Variants in FCRL2 observed in about 807,000 individuals in gnomAD.
FCRL2 encodes Fc receptor like 2.
A neutral mutation model predicts 59.8 loss-of-function variants in FCRL2; 48 were observed. The observed-to-expected ratio is 0.80, with a 90% CI of 0.64 to 1.02. FCRL2 has a LOEUF of 1.02. Ranked by LOEUF, FCRL2 falls within the 50% of genes least tolerant of loss-of-function variation. FCRL2 has a pLI of 0.00. For missense variants in FCRL2, 658 were observed against 597.3 expected (o/e 1.10, Z -1.06); for synonymous variants, 251 against 229.5 (o/e 1.09, Z -0.85).
At chr1:157,762,845 AT>A (rs1436696016) in intron 7 of FCRL2, among the ~76,000 whole-genome samples, 2 of 152,246 alleles carry the variant, frequency 1.3e-5, no homozygotes, top group Non-Finnish European at 2.9e-5. Flanking sequence ...CCAGCAAAAT[AT>A]CCTTCATAAA....
intron 7 of FCRL2, among the ~76,000 whole-genome samples, chr1:157,760,684 A>G (rs1386676996): frequency 7.3e-6 from 1 of 136,172 alleles, no homozygotes; most frequent in African/African-American, 3.0e-5. Context: ...GGAAGGAAAG[A>G]AAGAAAGAAA....
At chr1:157,753,181 CCAGT>C (rs1648328631) in intron 7 of FCRL2, among the ~76,000 whole-genome samples, 1 of 152,110 alleles carries the variant, frequency 6.6e-6, no homozygotes, top group African/African-American at 2.4e-5. Context: ...CTTCCCCATA[CCAGT>C]CAATTTTCCA....
At chr1:157,775,296 C>T (rs781570802) in intron 2 of FCRL2, among the ~76,000 whole-genome samples, 25 of 152,172 alleles carry the variant, frequency 1.6e-4, no homozygotes, top group Non-Finnish European at 2.2e-4. Context: ...TTGCCTTTTA[C>T]AGGAAAAGCT....
At chr1:157,758,134 C>T (rs947678709) in intron 7 of FCRL2, among the ~76,000 whole-genome samples, 5 of 152,130 alleles carry the variant, frequency 3.3e-5, no homozygotes, top group African/African-American at 1.2e-4. Flanking sequence ...TCATGGCGTA[C>T]ATCTGAGGTA....
chr1:157,747,446 G>A lies in FCRL2; in HGVS notation c.1460-547C>T, dbSNP rs531509804. 8.5e-5 allele frequency among the ~76,000 whole-genome samples: 13 copies of A among 152,308 alleles called. No homozygotes were observed. In the South Asian group the frequency reaches 2.7e-3, roughly 32 times the overall value. The stretch of plus-strand genomic sequence containing the variant: ...GATTTACAGCTAGAGGGCTTGGAAA[G>A]TGACTGCACTTTTTGATTCTGCTAG... On this transcript the variant is annotated intron_variant, in intron 10 of 11. Transcript: ENST00000361516.
At chr1:157,773,761 A>C (rs1180850020) in intron 2 of FCRL2, among the ~76,000 whole-genome samples, 1 of 152,178 alleles carries the variant, frequency 6.6e-6, no homozygotes, top group East Asian at 1.9e-4. Flanking sequence ...AGCAGGGTAC[A>C]AGGAGTCAGA....
chr1:157,746,843 T>C lies in FCRL2; in HGVS notation c.1488+28A>G, dbSNP rs199735915. On this transcript the variant is annotated intron_variant, in intron 11 of 11. Transcript: ENST00000361516. ...ATAAATAGGGAGAAGGAAGGAAAGA[T>C]GAAGAAATTCCAAGGTGTCTAGCTC... 4 of 1,614,050 alleles carry C rather than the reference T, an allele frequency of 2.5e-6. No homozygotes were observed. The African/African-American group carries it at 4.0e-5, about 16-fold the overall frequency.
At chr1:157,763,991 C>T (rs1649302067) in intron 7 of FCRL2, among the ~76,000 whole-genome samples, 2 of 145,560 alleles carry the variant, frequency 1.4e-5, no homozygotes, top group South Asian at 4.3e-4. Flanking sequence ...TATCGTGCCA[C>T]TGCACTCCAG....
intron 10 of FCRL2, 115 bp from the exon 11 acceptor site, chr1:157,747,014 C>T: frequency 9.0e-7 from 1 of 1,105,594 alleles, no homozygotes; most frequent in African/African-American, 1.6e-5. Context: ...ATCCCATTTT[C>T]TCCTGTTCTG....
At position 157,773,205 on chromosome 1, in the gene FCRL2, G is replaced by T. The variant is rs530973987; in HGVS notation, c.53-2539C>A. 5.2e-4 allele frequency among the ~76,000 whole-genome samples: 79 copies of T among 152,346 alleles called. 1 individual carries two copies. The highest frequency in any genetic ancestry group is 4.1e-4 in the Non-Finnish European group (28 of 68,040). On this transcript the variant is annotated intron_variant, in intron 2 of 11. Coordinates refer to ENST00000361516, the MANE Select transcript of FCRL2 (RefSeq NM_030764.4). ...TTGCAAGCAGTGAGCAGCTGGACCT[G>T]TGTTCAGTTACAGTTTCTCAACTGA...
At chr1:157,755,976 T>C (rs1648561294) in intron 7 of FCRL2, among the ~76,000 whole-genome samples, 1 of 152,224 alleles carries the variant, frequency 6.6e-6, no homozygotes, top group Admixed American at 6.5e-5. Flanking sequence ...TTACCAGATG[T>C]ATTTGTAACA....
chr1:157,756,453 T>C (rs6678269), intron 7 of FCRL2, among the ~76,000 whole-genome samples: 2,697 of 152,218 alleles, frequency 0.018, 69 homozygotes, highest in African/African-American at 0.061. Context: ...GAGGCCAAGG[T>C]AAGAAGATCG....
intron 7 of FCRL2, among the ~76,000 whole-genome samples, chr1:157,753,409 G>GCA (rs1648347626): frequency 6.6e-6 from 1 of 152,098 alleles, no homozygotes; most frequent in Non-Finnish European, 1.5e-5. Context: ...TATAGAACTC[G>GCA]AAGAAACACT....
At chr1:157,759,905 A>G (rs868555250) in intron 7 of FCRL2, among the ~76,000 whole-genome samples, 1 of 152,254 alleles carries the variant, frequency 6.6e-6, no homozygotes. Context: ...AGAACTTAAA[A>G]TAGAACTACC....
chr1:157,770,766 T>C (rs1186958678), intron 2 of FCRL2, 100 bp from the exon 3 acceptor site: 4 of 1,289,312 alleles, frequency 3.1e-6, no homozygotes, highest in Non-Finnish European at 4.3e-6. Context: ...TCTACTTCTT[T>C]AAACAAGATG....
chr1:157,767,068 A>G, intron 6 of FCRL2, 97 bp from the exon 7 acceptor site: 1 of 1,335,926 alleles, frequency 7.5e-7, no homozygotes, highest in Non-Finnish European at 1.0e-6. Flanking sequence ...TTCAAGTAAG[A>G]GATCATTGAA....
chr1:157,751,394 G>C (rs1202129486), intron 7 of FCRL2, among the ~76,000 whole-genome samples: 6 of 152,174 alleles, frequency 3.9e-5, no homozygotes, highest in Non-Finnish European at 8.8e-5. Context: ...TAAAGTAAAT[G>C]CTCTAAGAAA....
intron 3 of FCRL2, 126 bp from the exon 4 acceptor site, chr1:157,770,276 C>T (rs542151492): frequency 9.4e-5 from 136 of 1,446,776 alleles, no homozygotes; most frequent in Admixed American, 3.6e-4. Flanking sequence ...CCCATCATGG[C>T]TCCTTTGATG....
chr1:157,747,465 C>G (rs1421673950), intron 10 of FCRL2, among the ~76,000 whole-genome samples: 3 of 152,178 alleles, frequency 2.0e-5, no homozygotes, highest in Non-Finnish European at 4.4e-5. Flanking sequence ...CTTTTTGATT[C>G]TGCTAGGCTG....
Sources: allele counts gnomAD v4.1 joint callset (sites outside exome capture counted in the v4.1 genomes callset), GRCh38; gene constraint gnomAD v4.1.1; transcripts MANE v1.5; gene names NCBI Gene and HGNC (gene_info 2026-07-23, HGNC 2026-07-21).